The following CAPN5 variants were observed in gnomAD, a reference collection of about 807,000 sequenced individuals.
CAPN5 encodes calpain-5.
CAPN5 carries 54 observed loss-of-function variants against 73.0 expected under a neutral mutation model. That is an observed-to-expected ratio of 0.74 (90% CI 0.59 to 0.93). The LOEUF (loss-of-function observed/expected upper bound fraction) is 0.93, where lower values mean the gene tolerates loss of function less well. Among genes scored for constraint, CAPN5 ranks in the 40% least tolerant of loss-of-function variants. The pLI, the probability that CAPN5 is intolerant of heterozygous loss-of-function variation, is 0.00. For synonymous variants in CAPN5, 335 were observed against 356.9 expected (o/e 0.94, Z 0.69); for missense variants, 785 against 882.9 (o/e 0.89, Z 1.41).
chr11:77,094,131 A>G (rs936142493), intron 3 of CAPN5, among the ~76,000 whole-genome samples: 13 of 152,250 alleles, frequency 8.5e-5, no homozygotes, highest in African/African-American at 2.7e-4. Context: ...CATCACATTT[A>G]GTGTGCAGAC....
At chr11:77,121,221 G>A (rs1382389421) in intron 10 of CAPN5, among the ~76,000 whole-genome samples, 5 of 152,372 alleles carry the variant, frequency 3.3e-5, no homozygotes, top group East Asian at 3.9e-4. Context: ...TTCAGGGGCC[G>A]AGGTTAGAAG....
chr11:77,123,823 A>G lies in CAPN5; in HGVS notation c.1876A>G (p.Thr626Ala). The part of the protein sequence containing the change: ...NSRQPSNLPG[T>A]VAVHILSSTS... ...CCGGCAGCCCAGCAACCTGCCAGGC[A>G]CTGTGGCCGTGCACATTCTCAGCAG... is the stretch of plus-strand genomic sequence containing the variant. Residue 626 changes from threonine (T) to alanine (A), a missense_variant, in exon 13 of 13, where the codon ACT (threonine) becomes GCT (alanine). Transcript: ENST00000648180. The G allele has an allele frequency of 1.2e-6, 2 of 1,613,832 alleles. No individual in the cohort carries two copies. The highest frequency in any genetic ancestry group is 1.7e-6 in the Non-Finnish European group (2 of 1,179,998).
intron 3 of CAPN5, 129 bp downstream of exon 3, chr11:77,093,942 G>A (rs1591124829): frequency 1.5e-5 from 20 of 1,338,876 alleles, no homozygotes; most frequent in East Asian, 2.5e-5. Context: ...GGATGGGGTG[G>A]GGGCCCCCAG....
At chr11:77,107,245 C>G (rs1461795074) in intron 3 of CAPN5, among the ~76,000 whole-genome samples, 1 of 152,142 alleles carries the variant, frequency 6.6e-6, no homozygotes, top group Non-Finnish European at 1.5e-5. Flanking sequence ...TACTCAGGAC[C>G]AGGGACCCAC....
rs149945980 is a variant in CAPN5 at position 77,070,974 on chromosome 11, T to C, written c.-36+3880T>C. On this transcript the variant is annotated intron_variant, in intron 1 of 12. Coordinates refer to ENST00000648180, the MANE Select transcript of CAPN5 (RefSeq NM_004055.5). ...CCCAGATAAGCCAAGATCGTCTCCC[T>C]GTCTCAAAATCCTTAATCGCATCTT... 9.9e-3 allele frequency among the ~76,000 whole-genome samples: 1,506 copies of C among 152,320 alleles called. 22 individuals are homozygous for C. Among genetic ancestry groups the C allele is most frequent in the African/African-American group, 0.034 (1,421 of 41,568 alleles).
At chr11:77,092,520 C>T (rs1950158248) in intron 2 of CAPN5, among the ~76,000 whole-genome samples, 1 of 152,366 alleles carries the variant, frequency 6.6e-6, no homozygotes, top group South Asian at 2.1e-4. Flanking sequence ...CTGCCTCTCT[C>T]TTGGCAGGCA....
rs147003082 is a variant in CAPN5 at position 77,084,056 on chromosome 11, G to A, written c.-35-796G>A. On this transcript the variant is annotated intron_variant, in intron 1 of 12. Transcript: ENST00000648180. ...GGGGGCGTGGATCATAAATGGGGTG[G>A]TCACTCAGGTGCTTGGCCGTCCGAG... is the stretch of plus-strand genomic sequence containing the variant. Among the ~76,000 whole-genome samples, 15 of 152,314 alleles carry A rather than the reference G, an allele frequency of 9.8e-5. No individual in the cohort carries two copies. The East Asian group carries it at 2.9e-3, about 29-fold the overall frequency.
At chr11:77,073,747 A>T (rs1555033527) in intron 1 of CAPN5, among the ~76,000 whole-genome samples, 1 of 152,176 alleles carries the variant, frequency 6.6e-6, no homozygotes. Flanking sequence ...CAGAAACGAT[A>T]AGGGAAGGAG....
intron 3 of CAPN5, chr11:77,103,392 T>G: frequency 1.3e-6 from 2 of 1,536,216 alleles, no homozygotes; most frequent in Non-Finnish European, 1.7e-6. Flanking sequence ...CCCCTGCCAC[T>G]TTCCCCCCTG....
chr11:77,070,565 G>A (rs1949892549), intron 1 of CAPN5, among the ~76,000 whole-genome samples: 1 of 152,368 alleles, frequency 6.6e-6, no homozygotes, highest in African/African-American at 2.4e-5. Flanking sequence ...CCGGGCAGGA[G>A]AGGCGGGTGG....
At chr11:77,098,836 C>G (rs1202206920) in intron 3 of CAPN5, among the ~76,000 whole-genome samples, 2 of 138,258 alleles carry the variant, frequency 1.4e-5, no homozygotes, top group South Asian at 2.4e-4. Flanking sequence ...GCTGACCCCC[C>G]CCACCTCCCT....
At chr11:77,120,541 T>C (rs35388434) in intron 9 of CAPN5, 172 bp from the exon 10 acceptor site, 94,449 of 538,904 alleles carry the variant, frequency 0.18, 8,511 homozygotes, top group Middle Eastern at 0.22. Context: ...ACCTCTTCCC[T>C]TCAGCCCTGG....
At chr11:77,070,049 C>T (rs1459253509) in intron 1 of CAPN5, among the ~76,000 whole-genome samples, 1 of 152,184 alleles carries the variant, frequency 6.6e-6, no homozygotes, top group Admixed American at 6.5e-5. Context: ...AAGCCAGCCT[C>T]AGGCTTGGAT....
chr11:77,120,293 C>T (rs575211686), intron 9 of CAPN5: 24 of 154,880 alleles, frequency 1.5e-4, no homozygotes, highest in Non-Finnish European at 3.0e-4. Context: ...AGTGTTCCTC[C>T]CACCTTGGCC....
chr11:77,106,836 C>T (rs933677763), intron 3 of CAPN5, among the ~76,000 whole-genome samples: 8 of 152,212 alleles, frequency 5.3e-5, no homozygotes, highest in South Asian at 2.1e-4. Context: ...TGGCAGCAGG[C>T]GCAGGGCGGA....
chr11:77,073,104 C>T (rs905184181), intron 1 of CAPN5: 1 of 1,289,690 alleles, frequency 7.8e-7, no homozygotes, highest in Non-Finnish European at 1.0e-6. Context: ...AGCACTTTCT[C>T]TGCAGGACCT....
At chr11:77,107,658 G>T (rs1486194230) in intron 3 of CAPN5, among the ~76,000 whole-genome samples, 4 of 152,180 alleles carry the variant, frequency 2.6e-5, no homozygotes, top group Non-Finnish European at 4.4e-5. Flanking sequence ...GTGGGACCCG[G>T]AGGTTTCTGG....
In CAPN5 at chr11:77,114,252, T is replaced by C. The variant is rs782281092; in HGVS notation, c.517T>C (p.Cys173Arg). The change falls in exon 5 of 13, where the codon TGT (cysteine) becomes CGT (arginine). Residue 173 changes from cysteine to arginine, a missense_variant. Cys to Arg is a radical substitution (Grantham distance 180, BLOSUM62 -3). Transcript: ENST00000648180. ...CACATTGCTTCCCAGACTGGCAGGC[T>C]GTTACCAGGCCCTGGATGGAGGCAA... is the stretch of plus-strand genomic sequence containing the variant. ...VEKAYAKLAG[C>R]YQALDGGNTA... is the part of the protein sequence containing the mutation. 1 of 1,614,060 alleles carries C rather than the reference T, an allele frequency of 6.2e-7. No homozygotes were observed. The highest frequency in any genetic ancestry group is 8.5e-7 in the Non-Finnish European group (1 of 1,179,916).
At chr11:77,068,711 C>T (rs1305425202) in intron 1 of CAPN5, among the ~76,000 whole-genome samples, 1 of 152,080 alleles carries the variant, frequency 6.6e-6, no homozygotes, top group Non-Finnish European at 1.5e-5. Context: ...TGCTCCCCAC[C>T]CAGGGCTAGG....
Sources: allele counts gnomAD v4.1 joint callset (sites outside exome capture counted in the v4.1 genomes callset), GRCh38; gene constraint gnomAD v4.1.1; transcripts MANE v1.5; gene names NCBI Gene and HGNC (gene_info 2026-07-23, HGNC 2026-07-21).